CLEC3A: variants seen among roughly 807,000 people sequenced by gnomAD.
CLEC3A encodes the protein C-type (calcium dependent, carbohydrate-recognition domain) lectin, superfamily member 1 (cartilage-derived).
CLEC3A carries 28 observed loss-of-function variants against 20.4 expected under a neutral mutation model. That is an observed-to-expected ratio of 1.37 (90% confidence interval 1.02 to 1.88). The LOEUF (loss-of-function observed/expected upper bound fraction) is 1.88. CLEC3A is among the 40% of genes most tolerant of loss of function. CLEC3A has a pLI of 0.00. For missense variants in CLEC3A, 357 were observed against 240.4 expected (o/e 1.48, Z -3.21); for synonymous variants, 110 against 88.1 (o/e 1.25, Z -1.39).
chr16:78,022,788 G>A (rs778513686), intron 1 of CLEC3A, 47 bp downstream of exon 1: 2 of 1,600,996 alleles, frequency 1.2e-6, no homozygotes, highest in Non-Finnish European at 1.7e-6. Flanking sequence ...TAGACAGTGT[G>A]GGGAGGTGCT....
chr16:78,031,104 T>C lies in CLEC3A; in HGVS notation c.*263T>C. The C allele has an allele frequency of 2.9e-6, 1 of 342,390 alleles. No homozygotes were observed. Among genetic ancestry groups the C allele is most frequent in the Non-Finnish European group, 5.2e-6 (1 of 191,022 alleles). The allele number at this position is 342,390 out of a possible 1,614,324, so 21.2% of individuals were successfully genotyped here. On this transcript the variant is annotated 3_prime_UTR_variant, in exon 3 of 3. Transcript: ENST00000299642. ...TGCTAAACAGACTAAAATCTTTCTC[T>C]CTAGTCTTTCTCACTTGTACAAACC...
chr16:78,025,634 A>G (rs928748027), intron 1 of CLEC3A, among the ~76,000 whole-genome samples: 1 of 152,222 alleles, frequency 6.6e-6, no homozygotes, highest in Non-Finnish European at 1.5e-5. Flanking sequence ...GGGGGACTCA[A>G]AATAGCAACC....
intron 2 of CLEC3A, among the ~76,000 whole-genome samples, chr16:78,028,461 C>A (rs1477931378): frequency 6.6e-6 from 1 of 152,126 alleles, no homozygotes; most frequent in East Asian, 1.9e-4. Context: ...AGTAGTGAAA[C>A]AGAATGAAGC....
At chr16:78,026,420 C>T (rs973539812) in intron 1 of CLEC3A, among the ~76,000 whole-genome samples, 15 of 152,062 alleles carry the variant, frequency 9.9e-5, no homozygotes, top group African/African-American at 2.4e-4. Context: ...GCCATGTGCT[C>T]GGGACCAAGA....
intron 1 of CLEC3A, among the ~76,000 whole-genome samples, chr16:78,027,811 A>G (rs2029970208): frequency 6.6e-6 from 1 of 152,108 alleles, no homozygotes; most frequent in Admixed American, 6.5e-5. Flanking sequence ...ATTCAACACC[A>G]TGCCCAGCTA....
At chr16:78,023,104 C>G (rs987217163) in intron 1 of CLEC3A, among the ~76,000 whole-genome samples, 24 of 152,300 alleles carry the variant, frequency 1.6e-4, no homozygotes, top group Middle Eastern at 6.8e-3. Flanking sequence ...ATTAACTGAG[C>G]ACACTGTTTC....
Position 78,030,900 on chromosome 16 carries a change from CTAAGAT to C in CLEC3A, c.*60_*65del. 6.8e-7 allele frequency: 1 copy of C among 1,478,918 alleles called. No individual in the cohort carries two copies. The highest frequency in any genetic ancestry group is 9.1e-7 in the Non-Finnish European group (1 of 1,101,362). 91.6% of individuals were successfully genotyped at this position (1,478,918 alleles called of 1,614,324 possible). ...ATCATAACTTATAGGTTCATGATCT[CTAAGAT>C]CAAGTAAAAATCATAATTTTTACTT... On this transcript the variant is annotated 3_prime_UTR_variant, in exon 3 of 3. Coordinates refer to ENST00000299642, the MANE Select transcript of CLEC3A (RefSeq NM_005752.6).
chr16:78,028,616 A>G (rs1302842166), intron 2 of CLEC3A, among the ~76,000 whole-genome samples: 1 of 152,218 alleles, frequency 6.6e-6, no homozygotes, highest in South Asian at 2.1e-4. Flanking sequence ...GGGCAGCGCC[A>G]GCGTTCCTCC....
intron 1 of CLEC3A, among the ~76,000 whole-genome samples, chr16:78,027,020 C>T (rs2029944991): frequency 6.6e-6 from 1 of 152,192 alleles, no homozygotes; most frequent in Non-Finnish European, 1.5e-5. Context: ...TTTTGAGACA[C>T]TCTCATTGGA....
chr16:78,023,262 G>A (rs986863432), intron 1 of CLEC3A, among the ~76,000 whole-genome samples: 3 of 152,118 alleles, frequency 2.0e-5, no homozygotes, highest in African/African-American at 7.2e-5. Flanking sequence ...ATCCTTGGCA[G>A]CATAAGGACA....
intron 1 of CLEC3A, among the ~76,000 whole-genome samples, chr16:78,024,667 A>G (rs1247099315): frequency 2.0e-5 from 3 of 152,132 alleles, no homozygotes; most frequent in Admixed American, 1.3e-4. Context: ...CCACCCATCC[A>G]TATACTTTTA....
At position 78,031,010 on chromosome 16, in the gene CLEC3A, G is replaced by C. The variant is rs1307321498; in HGVS notation, c.*169G>C. The stretch of plus-strand genomic sequence containing the variant: ...CAATTTTGCTAACACATTTCTTTGG[G>C]ATTTTGCCCTTCCTGGGGTATAGGG... On this transcript the variant is annotated 3_prime_UTR_variant, in exon 3 of 3. Coordinates refer to ENST00000299642, the MANE Select transcript of CLEC3A (RefSeq NM_005752.6). 1 of 716,494 alleles carries C rather than the reference G, an allele frequency of 1.4e-6. No individual in the cohort carries two copies. Among genetic ancestry groups the C allele is most frequent in the Non-Finnish European group, 2.2e-6 (1 of 453,710 alleles). The allele number at this position is 716,494 out of a possible 1,614,324, so 44.4% of individuals were successfully genotyped here.
Position 78,030,562 on chromosome 16 carries a change from C to G in CLEC3A, c.315C>G (p.Pro105=). ...CISKGGILVI[P]RNSDEINALQ... ...CCAAAGGAGGAATCCTGGTTATCCC[C>G]AGGAACTCCGACGAAATCAACGCCC... Residue 105 remains proline (P), a synonymous_variant, in exon 3 of 3, where the codon CCC becomes CCG. Coordinates refer to ENST00000299642, the MANE Select transcript of CLEC3A (RefSeq NM_005752.6). 6.2e-7 allele frequency: 1 copy of G among 1,614,160 alleles called. No homozygotes were observed. Among genetic ancestry groups the G allele is most frequent in the Non-Finnish European group, 8.5e-7 (1 of 1,180,044 alleles).
chr16:78,024,849 CAG>C (rs1482583214), intron 1 of CLEC3A, among the ~76,000 whole-genome samples: 1 of 152,134 alleles, frequency 6.6e-6, no homozygotes, highest in African/African-American at 2.4e-5. Flanking sequence ...TGTTTTGAGA[CAG>C]AGTCTCACTC....
intron 2 of CLEC3A, among the ~76,000 whole-genome samples, chr16:78,028,496 A>G (rs2029990366): frequency 6.6e-6 from 1 of 152,276 alleles, no homozygotes; most frequent in African/African-American, 2.4e-5. Flanking sequence ...TAAAATGATT[A>G]GCATTTATTG....
chr16:78,023,079 G>A (rs1280673551), intron 1 of CLEC3A, among the ~76,000 whole-genome samples: 4 of 152,156 alleles, frequency 2.6e-5, no homozygotes, highest in Admixed American at 6.5e-5. Flanking sequence ...TATTAATATG[G>A]GGCAAGAAGA....
At chr16:78,022,841 G>C (rs1457210795) in intron 1 of CLEC3A, 100 bp downstream of exon 1, 2 of 1,236,450 alleles carry the variant, frequency 1.6e-6, no homozygotes, top group East Asian at 2.6e-5. Flanking sequence ...ACTATCTTCG[G>C]TGATGGCACC....
chr16:78,027,193 GAAT>G (rs1487182819), intron 1 of CLEC3A, among the ~76,000 whole-genome samples: 1 of 151,786 alleles, frequency 6.6e-6, no homozygotes, highest in African/African-American at 2.4e-5. Context: ...GAAGAACCAA[GAAT>G]AATAAGACAG....
intron 1 of CLEC3A, among the ~76,000 whole-genome samples, chr16:78,023,700 A>G (rs949366080): frequency 6.6e-6 from 1 of 152,000 alleles, no homozygotes; most frequent in Non-Finnish European, 1.5e-5. Context: ...TAAGGATTAT[A>G]AAGTACCATT....
Sources: gnomAD v4.1 joint callset for allele counts (sites outside exome capture counted in the v4.1 genomes callset) on GRCh38, gnomAD v4.1.1 for gene constraint, MANE v1.5 for transcripts, NCBI Gene and HGNC (gene_info 2026-07-23, HGNC 2026-07-21) for gene names.